The following SLC12A2 variants were observed in gnomAD, a reference collection of about 807,000 sequenced individuals.
SLC12A2 encodes Na-K-2Cl cotransporter 1.
A neutral mutation model predicts 136.3 loss-of-function variants in SLC12A2; 67 were observed. The ratio of observed to expected loss-of-function variants is 0.49; its 90% CI spans 0.40 to 0.60. SLC12A2 has a LOEUF of 0.60. Ranked by LOEUF, SLC12A2 falls within the 20% of genes least tolerant of loss-of-function variation. The pLI is 0.00. For synonymous variants in SLC12A2, 619 were observed against 562.9 expected (o/e 1.10, Z -1.41); for missense variants, 1,322 against 1,534.7 (o/e 0.86, Z 2.32).
Position 128,189,175 on chromosome 5 carries a change from A to G in SLC12A2, c.*2544A>G, listed in dbSNP as rs559037246. ...TCAAGGTTATAGTACTTATTTCAAC[A>G]ATTCTTAGAGATGCTAGCTAGTGTT... On this transcript the variant is annotated 3_prime_UTR_variant, in exon 27 of 27. Transcript: ENST00000262461. 2.5e-4 allele frequency: 38 copies of G among 152,302 alleles called. No individual in the cohort carries two copies. The highest frequency in any genetic ancestry group is 8.7e-4 in the African/African-American group (36 of 41,578). The allele number at this position is 152,302 out of a possible 1,614,324, so 9.4% of individuals were successfully genotyped here.
intron 1 of SLC12A2, among the ~76,000 whole-genome samples, chr5:128,090,030 TCA>T (rs772871472): frequency 9.2e-5 from 14 of 152,222 alleles, no homozygotes; most frequent in Non-Finnish European, 1.5e-4. Context: ...TTGGCTGATT[TCA>T]CAGTTTTGCC....
In SLC12A2 at chr5:128,182,872, G is replaced by A. The variant is rs1165372066; in HGVS notation, c.3230G>A (p.Ser1077Asn). 7 of 1,610,950 alleles carry A rather than the reference G, an allele frequency of 4.3e-6. No individual in the cohort carries two copies. The highest frequency in any genetic ancestry group is 2.2e-5 in the South Asian group (2 of 90,812). Residue 1077 changes from serine (S) to asparagine (N), a missense_variant, in exon 24 of 27, where the codon AGC (serine) becomes AAC (asparagine). This residue lies in a region of SLC12A2 where 172 missense variants were observed against 227.4 expected (regional missense o/e 0.76). Coordinates refer to ENST00000262461, the MANE Select transcript of SLC12A2 (RefSeq NM_001046.3). ...HDRRAMATLLSKFRIDFSDIM... is the reference protein window; with the variant it reads ...HDRRAMATLLNKFRIDFSDIM... ...TGTTGTAGGATGGCTACTTTGCTTA[G>A]CAAGTTCCGGATAGACTTTTCTGAT...
At chr5:128,151,458 A>G (rs1762698436) in intron 14 of SLC12A2, 62 bp downstream of exon 14, 3 of 1,415,876 alleles carry the variant, frequency 2.1e-6, no homozygotes, top group African/African-American at 1.5e-5. Context: ...GAAAACATCT[A>G]GAAGTTCTTT....
intron 4 of SLC12A2, among the ~76,000 whole-genome samples, chr5:128,130,651 C>T (rs1393200854): frequency 1.3e-5 from 2 of 151,356 alleles, no homozygotes; most frequent in Admixed American, 1.3e-4. Context: ...CACTGCACTT[C>T]AGCGTGGGCG....
rs1372215436 is a variant in SLC12A2, at chr5:128,084,054, C to T, written c.100C>T (p.Leu34=). The T allele has an allele frequency of 3.1e-6, 4 of 1,299,028 alleles. No homozygotes were observed. The African/African-American group carries it at 4.6e-5, about 15-fold the overall frequency. The allele number at this position is 1,299,028 out of a possible 1,614,324, so 80.5% of individuals were successfully genotyped here. A position where few individuals can be genotyped will look rare whatever the true frequency, so the allele number is the denominator to read the frequency against. ...TGCGCTGGCCGCAGCCAGGGTGGAA[C>T]TGCCCGGCACGGCTGTGCCCTCGGT... ...AAALAAARVE[L]PGTAVPSVPE... Residue 34 remains leucine, a synonymous_variant, in exon 1 of 27, where the codon CTG becomes TTG. Transcript: ENST00000262461. The surrounding 1 kb of genome is among the most constrained non-coding windows in gnomAD (Gnocchi z 5.6).
intron 9 of SLC12A2, among the ~76,000 whole-genome samples, chr5:128,139,455 G>T (rs965687735): frequency 1.3e-5 from 2 of 152,084 alleles, no homozygotes; most frequent in African/African-American, 2.4e-5. Flanking sequence ...TACTTCATGG[G>T]ATCATGGATC....
rs904759620 is a variant in SLC12A2, at chr5:128,186,707, A to G, written c.*76A>G. ...TAGTAACTGAAATCTTCAATGACACATTAACATCACAATGGCGAATGGTGA... is the reference window on the plus strand; with the variant it reads ...TAGTAACTGAAATCTTCAATGACACGTTAACATCACAATGGCGAATGGTGA... On this transcript the variant is annotated 3_prime_UTR_variant, in exon 27 of 27. Coordinates refer to ENST00000262461, the MANE Select transcript of SLC12A2 (RefSeq NM_001046.3). The G allele has an allele frequency of 8.5e-6, 12 of 1,410,518 alleles. 1 individual carries two copies. The African/African-American group carries it at 9.9e-5, about 12-fold the overall frequency. The allele number at this position is 1,410,518 out of a possible 1,614,324, so 87.4% of individuals were successfully genotyped here.
intron 1 of SLC12A2, among the ~76,000 whole-genome samples, chr5:128,106,052 T>G (rs1760923679): frequency 2.6e-5 from 4 of 152,244 alleles, no homozygotes; most frequent in Admixed American, 2.0e-4. Context: ...TTCTTCCCCC[T>G]TTTTTTCTCT....
At chr5:128,136,081 A>T (rs1762182475) in intron 7 of SLC12A2, among the ~76,000 whole-genome samples, 1 of 152,140 alleles carries the variant, frequency 6.6e-6, no homozygotes, top group African/African-American at 2.4e-5. Flanking sequence ...ATTCTCTACT[A>T]GTTTTGGGAA....
chr5:128,163,887 A>G (rs2126736897), intron 17 of SLC12A2, among the ~76,000 whole-genome samples: 1 of 152,188 alleles, frequency 6.6e-6, no homozygotes, highest in East Asian at 1.9e-4. Flanking sequence ...CGGTAGATAC[A>G]TGAATGTTTA....
intron 11 of SLC12A2, 90 bp from the exon 12 acceptor site, chr5:128,148,664 G>C: frequency 5.6e-6 from 6 of 1,071,716 alleles, no homozygotes; most frequent in Non-Finnish European, 8.0e-6. Context: ...TTAGAAACTT[G>C]AATCTCATTC....
Position 128,084,056 on chromosome 5 carries a change from G to T in SLC12A2, c.102G>T (p.Leu34=). 7.7e-7 allele frequency: 1 copy of T among 1,302,666 alleles called. No individual in the cohort carries two copies. Among genetic ancestry groups the T allele is most frequent in the Non-Finnish European group, 9.7e-7 (1 of 1,029,148 alleles). 80.7% of individuals were successfully genotyped at this position (1,302,666 alleles called of 1,614,324 possible). ...AAALAAARVE[L]PGTAVPSVPE... is the part of the protein sequence containing the mutation. ...CGCTGGCCGCAGCCAGGGTGGAACT[G>T]CCCGGCACGGCTGTGCCCTCGGTGC... The change falls in exon 1 of 27, where the codon CTG becomes CTT. Residue 34 remains leucine (L), a synonymous_variant. Coordinates refer to ENST00000262461, the MANE Select transcript of SLC12A2 (RefSeq NM_001046.3). This position sits in a 1 kb window ranked among gnomAD's most constrained non-coding sequence, Gnocchi z 5.6.
At chr5:128,128,458 TTTGC>T (rs1349273289) in intron 4 of SLC12A2, among the ~76,000 whole-genome samples, 1 of 152,088 alleles carries the variant, frequency 6.6e-6, no homozygotes, top group Non-Finnish European at 1.5e-5. Flanking sequence ...GATGTCTGTG[TTTGC>T]TTGATCAACA....
At chr5:128,136,508 T>C (rs929096497) in intron 7 of SLC12A2, among the ~76,000 whole-genome samples, 3 of 152,122 alleles carry the variant, frequency 2.0e-5, no homozygotes, top group Admixed American at 1.3e-4. Context: ...CATAGCCCTG[T>C]CAAACTTCTA....
chr5:128,110,790 G>GA, intron 1 of SLC12A2: 3 of 1,477,248 alleles, frequency 2.0e-6, no homozygotes, highest in Non-Finnish European at 2.8e-6. Context: ...AGGCCAAAAA[G>GA]ATAGCAAAAG....
At chr5:128,153,489 A>G (rs937985730) in intron 15 of SLC12A2, among the ~76,000 whole-genome samples, 1 of 152,212 alleles carries the variant, frequency 6.6e-6, no homozygotes, top group Non-Finnish European at 1.5e-5. Flanking sequence ...CAGGAGGCGG[A>G]GGTTGCAGTG....
intron 10 of SLC12A2, among the ~76,000 whole-genome samples, chr5:128,145,326 G>A (rs1478692978): frequency 6.6e-6 from 1 of 151,920 alleles, no homozygotes; most frequent in Non-Finnish European, 1.5e-5. Context: ...CTCTTTCTTT[G>A]TACTTAATTT....
At chr5:128,133,008 T>C (rs907010224) in intron 5 of SLC12A2, among the ~76,000 whole-genome samples, 14 of 152,118 alleles carry the variant, frequency 9.2e-5, no homozygotes, top group Admixed American at 7.9e-4. Context: ...TAGTCTTCTA[T>C]TACAATCATA....
intron 4 of SLC12A2, among the ~76,000 whole-genome samples, chr5:128,123,760 G>A (rs1279952127): frequency 6.6e-6 from 1 of 152,000 alleles, no homozygotes. Flanking sequence ...TCCTTCAATG[G>A]CATCATTAGA....
Sources: allele counts gnomAD v4.1 joint callset (sites outside exome capture counted in the v4.1 genomes callset), GRCh38; gene constraint gnomAD v4.1.1; regional missense constraint gnomAD v4.1.1; non-coding constraint Gnocchi (gnomAD v3.1); transcripts MANE v1.5; gene names NCBI Gene and HGNC (gene_info 2026-07-23, HGNC 2026-07-21).